Variants in PXDNL observed in about 807,000 individuals in gnomAD.
PXDNL encodes the protein peroxidasin like, also known as probable oxidoreductase PXDNL.
A neutral mutation model predicts 150.8 loss-of-function variants in PXDNL; 145 were observed. The ratio of observed to expected loss-of-function variants is 0.96; its 90% CI spans 0.84 to 1.10. PXDNL has a LOEUF of 1.10. PXDNL is among the 50% of genes least tolerant of loss of function. The pLI, the probability that PXDNL is intolerant of heterozygous loss-of-function variation, is 0.00. For synonymous variants in PXDNL, 757 were observed against 725.7 expected, an observed-to-expected ratio of 1.04 and a Z score of -0.69; for missense variants, 2,087 against 1,873.9, an observed-to-expected ratio of 1.11 and a Z score of -2.10.
intron 6 of PXDNL, among the ~76,000 whole-genome samples, chr8:51,481,963 C>A (rs1810614875): frequency 6.6e-6 from 1 of 152,206 alleles, no homozygotes; most frequent in South Asian, 2.1e-4. Context: ...TTGGAGCCCC[C>A]AGACAGAGTC....
intron 17 of PXDNL, among the ~76,000 whole-genome samples, chr8:51,394,786 G>T (rs1179018459): frequency 6.6e-6 from 1 of 152,146 alleles, no homozygotes; most frequent in Non-Finnish European, 1.5e-5. Context: ...TCTCAAAAAT[G>T]CCCTGGGGTA....
chr8:51,779,115 G>A (rs1271194802), intron 1 of PXDNL, among the ~76,000 whole-genome samples: 2 of 152,228 alleles, frequency 1.3e-5, no homozygotes, highest in Non-Finnish European at 2.9e-5. Context: ...AAAGGGGGTA[G>A]AGTAGAAAAG....
At chr8:51,480,028 G>A (rs147038823) in intron 6 of PXDNL, among the ~76,000 whole-genome samples, 3 of 152,264 alleles carry the variant, frequency 2.0e-5, no homozygotes, top group African/African-American at 4.8e-5. Flanking sequence ...AAAGGATTAG[G>A]AGTGGGTGAA....
chr8:51,449,216 AG>A, intron 10 of PXDNL, 98 bp from the exon 11 acceptor site: 1 of 661,932 alleles, frequency 1.5e-6, no homozygotes, highest in Non-Finnish European at 2.6e-6. Context: ...TCATGTGATC[AG>A]AATTTGTTTA....
intron 19 of PXDNL, among the ~76,000 whole-genome samples, chr8:51,367,347 C>A (rs989391142): frequency 6.6e-6 from 1 of 151,926 alleles, no homozygotes; most frequent in Admixed American, 6.6e-5. Flanking sequence ...AACACACTAA[C>A]AGAGAAATGA....
chr8:51,656,010 C>T lies in PXDNL; in HGVS notation c.165-1250G>A, dbSNP rs574281236. The stretch of plus-strand genomic sequence containing the variant: ...ATTTGAGCTGAATTTCTCTCTCTAA[C>T]GCAAGGAGTATAGAAGAAAGATGAA... On this transcript the variant is annotated intron_variant, in intron 1 of 22. Transcript: ENST00000356297. 6.6e-5 allele frequency among the ~76,000 whole-genome samples: 10 copies of T among 152,196 alleles called. 1 individual carries two copies. The highest frequency in any genetic ancestry group is 6.2e-4 in the South Asian group (3 of 4,828).
chr8:51,581,756 T>C (rs1349993342), intron 3 of PXDNL, among the ~76,000 whole-genome samples: 4 of 152,140 alleles, frequency 2.6e-5, no homozygotes, highest in South Asian at 2.1e-4. Flanking sequence ...AAGTATTCCT[T>C]AATATTAAAT....
intron 2 of PXDNL, among the ~76,000 whole-genome samples, chr8:51,633,616 T>A (rs1814537905): frequency 6.6e-6 from 1 of 152,178 alleles, no homozygotes; most frequent in Non-Finnish European, 1.5e-5. Context: ...GTCACTGCAT[T>A]CTAGCCTGTG....
chr8:51,715,074 T>G (rs1180682711), intron 1 of PXDNL, among the ~76,000 whole-genome samples: 1 of 152,340 alleles, frequency 6.6e-6, no homozygotes, highest in Non-Finnish European at 1.5e-5. Context: ...CTGTTGCTTC[T>G]TAAAAGATAA....
intron 2 of PXDNL, among the ~76,000 whole-genome samples, chr8:51,645,616 G>T (rs1196770231): frequency 6.6e-6 from 1 of 152,110 alleles, no homozygotes; most frequent in South Asian, 2.1e-4. Flanking sequence ...AGAATGAAGT[G>T]CATTTGCTGA....
chr8:51,332,576 A>G (rs1258811062), intron 21 of PXDNL, among the ~76,000 whole-genome samples: 1 of 149,250 alleles, frequency 6.7e-6, no homozygotes, highest in African/African-American at 2.4e-5. Flanking sequence ...GCTTGTATCA[A>G]AAAAAAAAAG....
chr8:51,620,990 C>T (rs1311325898), intron 2 of PXDNL, among the ~76,000 whole-genome samples: 1 of 152,034 alleles, frequency 6.6e-6, no homozygotes, highest in Non-Finnish European at 1.5e-5. Context: ...TGTTGTTTGC[C>T]CTTTAAGAGC....
At chr8:51,339,151 A>T (rs905522201) in intron 21 of PXDNL, among the ~76,000 whole-genome samples, 10 of 152,148 alleles carry the variant, frequency 6.6e-5, no homozygotes, top group East Asian at 5.8e-4. Flanking sequence ...TCCTTCCCTA[A>T]CTCACTTCTT....
intron 1 of PXDNL, among the ~76,000 whole-genome samples, chr8:51,767,942 C>T (rs1585735424): frequency 6.6e-6 from 1 of 152,164 alleles, no homozygotes; most frequent in East Asian, 1.9e-4. Context: ...CAAAAAGTTT[C>T]CAGATAGAAC....
intron 4 of PXDNL, among the ~76,000 whole-genome samples, chr8:51,532,359 A>G (rs1357830832): frequency 1.3e-5 from 2 of 152,230 alleles, no homozygotes; most frequent in Non-Finnish European, 2.9e-5. Flanking sequence ...CCAACTGTGC[A>G]ACAATGTGTG....
At chr8:51,763,681 T>G (rs1275981031) in intron 1 of PXDNL, among the ~76,000 whole-genome samples, 2 of 152,132 alleles carry the variant, frequency 1.3e-5, no homozygotes, top group Non-Finnish European at 2.9e-5. Flanking sequence ...AAAAAAAAAT[T>G]TATTCCTGAA....
intron 4 of PXDNL, among the ~76,000 whole-genome samples, chr8:51,524,778 A>G (rs1811733810): frequency 2.0e-5 from 3 of 152,178 alleles, no homozygotes; most frequent in African/African-American, 7.2e-5. Context: ...GGAAATCATC[A>G]AATTCTCTTC....
chr8:51,530,837 A>G (rs1173128473), intron 4 of PXDNL, among the ~76,000 whole-genome samples: 1 of 152,154 alleles, frequency 6.6e-6, no homozygotes, highest in Non-Finnish European at 1.5e-5. Context: ...GCTGCTGCAC[A>G]TATTAATGTG....
At chr8:51,571,730 A>G (rs1168363383) in intron 3 of PXDNL, among the ~76,000 whole-genome samples, 2 of 151,898 alleles carry the variant, frequency 1.3e-5, no homozygotes, top group Non-Finnish European at 2.9e-5. Context: ...GTTTTGACTC[A>G]GTTATGGAAT....
Sources: allele counts gnomAD v4.1 joint callset (sites outside exome capture counted in the v4.1 genomes callset), GRCh38; gene constraint gnomAD v4.1.1; transcripts MANE v1.5; gene names NCBI Gene and HGNC (gene_info 2026-07-23, HGNC 2026-07-21).